The following CDH10 variants were observed in gnomAD, a reference collection of about 807,000 sequenced individuals.
CDH10 encodes cadherin-10.
A neutral mutation model predicts 73.1 loss-of-function variants in CDH10; 30 were observed. The observed-to-expected ratio is 0.41, with a 90% CI of 0.31 to 0.56. The LOEUF is 0.56. CDH10 is among the 20% of genes least tolerant of loss of function. The probability of loss-of-function intolerance (pLI) is 0.27; values close to 1 mark genes in which losing one functional copy is unlikely to be tolerated. For missense variants in CDH10, 815 were observed against 973.7 expected (o/e 0.84, Z 2.17); for synonymous variants, 345 against 348.2 (o/e 0.99, Z 0.10).
chr5:24,581,528 A>C (rs1745799256), intron 2 of CDH10, among the ~76,000 whole-genome samples: 1 of 152,182 alleles, frequency 6.6e-6, no homozygotes, highest in African/African-American at 2.4e-5. Flanking sequence ...TCTCACTAAA[A>C]ATGCAAGCTT....
intron 7 of CDH10, among the ~76,000 whole-genome samples, chr5:24,507,177 A>G (rs1252827617): frequency 1.3e-5 from 2 of 152,050 alleles, no homozygotes; most frequent in African/African-American, 4.8e-5. Context: ...AACATATTGC[A>G]TTAGTAAGGC....
At chr5:24,543,438 C>T (rs1427786861) in intron 2 of CDH10, among the ~76,000 whole-genome samples, 1 of 152,018 alleles carries the variant, frequency 6.6e-6, no homozygotes, top group East Asian at 1.9e-4. Context: ...ACAATTTATG[C>T]TAAGTTTTTA....
intron 3 of CDH10, 49 bp from the exon 4 acceptor site, chr5:24,535,871 GC>G: frequency 7.0e-7 from 1 of 1,424,000 alleles, no homozygotes; most frequent in Non-Finnish European, 9.5e-7. Flanking sequence ...AGAAGGAGGA[GC>G]AAAAGCACTG....
rs548385364 is a variant in CDH10, at chr5:24,627,191, A to G, written c.-124+17403T>C. ...TGACATGAAGTTCACTGAGGAATTT[A>G]TGGCTACTTTTAAGTTAGTTTTAGT... On this transcript the variant is annotated intron_variant, in intron 1 of 11. Transcript: ENST00000264463. 2.0e-5 allele frequency among the ~76,000 whole-genome samples: 3 copies of G among 152,234 alleles called. No individual in the cohort carries two copies. The East Asian group carries it at 5.8e-4, about 29-fold the overall frequency.
At position 24,498,153 on chromosome 5, in the gene CDH10, A is replaced by T. The variant is rs568094245; in HGVS notation, c.1515+245T>A. Among the ~76,000 whole-genome samples the T allele has an allele frequency of 3.9e-5, 6 of 152,294 alleles. No homozygotes were observed. In the South Asian group the frequency reaches 1.2e-3, roughly 32 times the overall value. ...AAGTAGTTATTTTTTCTTATGCTTC[A>T]ACTTTTGTGGCAACAATAAAATTTT... On this transcript the variant is annotated intron_variant, in intron 9 of 11. Transcript: ENST00000264463.
intron 9 of CDH10, among the ~76,000 whole-genome samples, chr5:24,496,973 A>G (rs900849508): frequency 2.1e-4 from 32 of 152,258 alleles, no homozygotes; most frequent in African/African-American, 6.5e-4. Flanking sequence ...CAATTCAACA[A>G]AAAATATTAA....
At chr5:24,596,642 T>C (rs928542507) in intron 1 of CDH10, among the ~76,000 whole-genome samples, 14 of 152,132 alleles carry the variant, frequency 9.2e-5, no homozygotes, top group African/African-American at 1.4e-4. Context: ...TTTTAAAACA[T>C]CATTTTGTAA....
chr5:24,554,421 TTTA>T (rs1325001779), intron 2 of CDH10, among the ~76,000 whole-genome samples: 2 of 152,028 alleles, frequency 1.3e-5, no homozygotes, highest in Non-Finnish European at 2.9e-5. Context: ...CCTTTGAGAT[TTTA>T]TTTTCTCTGC....
At chr5:24,597,912 G>C (rs1432026843) in intron 1 of CDH10, among the ~76,000 whole-genome samples, 2 of 151,510 alleles carry the variant, frequency 1.3e-5, no homozygotes, top group South Asian at 2.1e-4. Context: ...TTATTATGTT[G>C]ATTAGGATCC....
chr5:24,548,188 C>A (rs983048117), intron 2 of CDH10, among the ~76,000 whole-genome samples: 1 of 151,416 alleles, frequency 6.6e-6, no homozygotes, highest in Non-Finnish European at 1.5e-5. Flanking sequence ...AGTGCAGTGG[C>A]GTGATTTCAG....
At chr5:24,601,812 T>C (rs1746575387) in intron 1 of CDH10, among the ~76,000 whole-genome samples, 1 of 152,134 alleles carries the variant, frequency 6.6e-6, no homozygotes, top group East Asian at 1.9e-4. Flanking sequence ...TAAAAAGATA[T>C]TTTAAAAATT....
chr5:24,523,389 T>C (rs1300502397), intron 5 of CDH10, among the ~76,000 whole-genome samples: 2 of 152,222 alleles, frequency 1.3e-5, no homozygotes, highest in Admixed American at 1.3e-4. Flanking sequence ...TTTAATACTC[T>C]AGTAAAAATT....
chr5:24,569,422 A>G (rs1745285059), intron 2 of CDH10, among the ~76,000 whole-genome samples: 1 of 152,068 alleles, frequency 6.6e-6, no homozygotes, highest in South Asian at 2.1e-4. Flanking sequence ...AAAATAAATC[A>G]TAGGAATTTT....
chr5:24,513,858 A>C (rs1257850775), intron 5 of CDH10, among the ~76,000 whole-genome samples: 4 of 152,102 alleles, frequency 2.6e-5, no homozygotes, highest in African/African-American at 4.8e-5. Flanking sequence ...TGTCTGCTCT[A>C]TGGGGACCTC....
chr5:24,567,642 T>C (rs1745211009), intron 2 of CDH10, among the ~76,000 whole-genome samples: 1 of 151,976 alleles, frequency 6.6e-6, no homozygotes, highest in Admixed American at 6.5e-5. Flanking sequence ...CCTATTGAAA[T>C]AGGAAATGGA....
At chr5:24,539,004 G>A (rs1744060224) in intron 2 of CDH10, among the ~76,000 whole-genome samples, 1 of 151,892 alleles carries the variant, frequency 6.6e-6, no homozygotes, top group South Asian at 2.1e-4. Context: ...GTTGTTACAT[G>A]TTTGATAAGA....
At chr5:24,619,245 G>C (rs184108115) in intron 1 of CDH10, among the ~76,000 whole-genome samples, 278 of 152,068 alleles carry the variant, frequency 1.8e-3, no homozygotes, top group African/African-American at 6.1e-3. Flanking sequence ...CCAGGCTGGA[G>C]TGCAGTGGCG....
chr5:24,508,705 G>C (rs1454419055), intron 7 of CDH10, among the ~76,000 whole-genome samples: 3 of 152,004 alleles, frequency 2.0e-5, no homozygotes, highest in African/African-American at 4.8e-5. Context: ...TTTTTATAGA[G>C]ACAGGGTCTC....
intron 2 of CDH10, among the ~76,000 whole-genome samples, chr5:24,573,923 C>T (rs1745496315): frequency 6.6e-6 from 1 of 150,446 alleles, no homozygotes; most frequent in Non-Finnish European, 1.5e-5. Flanking sequence ...CTCTCTCTGT[C>T]GCCCAGGCTG....
Sources: gnomAD v4.1 joint callset for allele counts (sites outside exome capture counted in the v4.1 genomes callset) on GRCh38, gnomAD v4.1.1 for gene constraint, MANE v1.5 for transcripts, NCBI Gene and HGNC (gene_info 2026-07-23, HGNC 2026-07-21) for gene names.